TSPAN16: variants seen among roughly 807,000 people sequenced by gnomAD.
TSPAN16 encodes tetraspanin 16.
In TSPAN16, 23 loss-of-function variants were observed where a neutral mutation model predicts 25.2. The ratio of observed to expected loss-of-function variants is 0.91; its 90% CI spans 0.66 to 1.29. The LOEUF is 1.29. Ranked by LOEUF, TSPAN16 falls within the 50% of genes most tolerant of loss-of-function variation. The pLI is 0.00. For synonymous variants in TSPAN16, 123 were observed against 124.4 expected (o/e 0.99, Z 0.08); for missense variants, 272 against 299.9 (o/e 0.91, Z 0.69).
chr19:11,302,642 C>CATATATATATACACATACATATATATAT lies in TSPAN16; in HGVS notation c.450+1344_450+1371dup, dbSNP rs1568288199. 4.6e-5 allele frequency among the ~76,000 whole-genome samples: 6 copies of CATATATATATACACATACATATATATAT among 130,548 alleles called. No individual in the cohort carries two copies. In the East Asian group the frequency reaches 1.3e-3, roughly 28 times the overall value. 85.6% of individuals were successfully genotyped at this position (130,548 alleles called of 152,430 possible). On this transcript the variant is annotated intron_variant, in intron 4 of 6. Transcript: ENST00000590327. ...ATATAAATATATATATACACACATA[C>CATATATATATACACATACATATATATAT]ATATATATATACACATACATATATA...
At chr19:11,311,538 C>T (rs975258158) in intron 5 of TSPAN16, among the ~76,000 whole-genome samples, 4 of 152,096 alleles carry the variant, frequency 2.6e-5, no homozygotes, top group African/African-American at 7.2e-5. Context: ...TCAAGCAATC[C>T]TCCTGCCCCA....
chr19:11,315,936 G>C lies in TSPAN16; in HGVS notation c.*98G>C. On this transcript the variant is annotated 3_prime_UTR_variant, in exon 7 of 7. Transcript: ENST00000590327. ...CTGTGGCACTCACTGCTTCTGGAGG[G>C]GAGACTGTTAATAAAAGATTTGGGA... 2 of 1,230,186 alleles carry C rather than the reference G, an allele frequency of 1.6e-6. No homozygotes were observed. The highest frequency in any genetic ancestry group is 2.0e-6 in the Non-Finnish European group (2 of 986,890). 76.2% of individuals were successfully genotyped at this position (1,230,186 alleles called of 1,614,324 possible). A position where few individuals can be genotyped will look rare whatever the true frequency, so the allele number is the denominator to read the frequency against.
chr19:11,313,240 G>C (rs1484468947), intron 6 of TSPAN16, among the ~76,000 whole-genome samples: 1 of 152,246 alleles, frequency 6.6e-6, no homozygotes, highest in Admixed American at 6.5e-5. Context: ...AAGGCTGGGT[G>C]TGGTAGCTCA....
chr19:11,315,440 C>T (rs2080738506), intron 6 of TSPAN16, among the ~76,000 whole-genome samples: 1 of 150,722 alleles, frequency 6.6e-6, no homozygotes, highest in African/African-American at 2.4e-5. Context: ...GCCTGTAGTC[C>T]CAGCTACTCG....
At chr19:11,321,588 G>A (rs1445892271) in intron 6 of TSPAN16, among the ~76,000 whole-genome samples, 3 of 152,204 alleles carry the variant, frequency 2.0e-5, no homozygotes, top group Admixed American at 6.5e-5. Flanking sequence ...AAGGCCTTGG[G>A]GCAGGGGCCT....
At position 11,298,441 on chromosome 19, in the gene TSPAN16, T is replaced by TG. The variant is rs1343571094; in HGVS notation, c.267+102_267+103insG. ...ACTTTGCTTGGTGTCACCTATTTTT[T>TG]TTTTTTTTGCGGGGACAGGGTTTCA... On this transcript the variant is annotated intron_variant, in intron 2 of 6. Coordinates refer to ENST00000590327, the MANE Select transcript of TSPAN16 (RefSeq NM_001282509.2). The TG allele has an allele frequency of 3.3e-6, 4 of 1,199,228 alleles. No homozygotes were observed. The East Asian group carries it at 7.7e-5, about 23-fold the overall frequency. 74.3% of individuals were successfully genotyped at this position (1,199,228 alleles called of 1,614,324 possible).
intron 6 of TSPAN16, chr19:11,325,176 T>G (rs2080804339): frequency 2.0e-6 from 1 of 506,104 alleles, no homozygotes; most frequent in East Asian, 3.3e-5. Flanking sequence ...CTGCCTGCCA[T>G]GCAGAGCTGA....
At position 11,296,223 on chromosome 19, in the gene TSPAN16, C is replaced by A; in HGVS notation, c.-75C>A. ...TGGCGCCCCTTCCTCAGATCCCTAT[C>A]ATCTTGGGAAACAGTAGCCCAGAGG... On this transcript the variant is annotated 5_prime_UTR_variant, in exon 1 of 7. Coordinates refer to ENST00000590327, the MANE Select transcript of TSPAN16 (RefSeq NM_001282509.2). 4 of 1,484,672 alleles carry A rather than the reference C, an allele frequency of 2.7e-6. No individual in the cohort carries two copies. The highest frequency in any genetic ancestry group is 1.2e-5 in the South Asian group (1 of 85,702). The allele number at this position is 1,484,672 out of a possible 1,614,324, so 92.0% of individuals were successfully genotyped here.
At chr19:11,321,684 G>A (rs1345581916) in intron 6 of TSPAN16, among the ~76,000 whole-genome samples, 1 of 152,154 alleles carries the variant, frequency 6.6e-6, no homozygotes, top group African/African-American at 2.4e-5. Flanking sequence ...GGGTAGGGAA[G>A]GGATGGATCA....
downstream of TSPAN16, among the ~76,000 whole-genome samples, chr19:11,316,808 C>T (rs940463103): frequency 9.6e-5 from 13 of 135,848 alleles, no homozygotes; most frequent in Middle Eastern, 3.4e-3. Context: ...AGACCCCCCC[C>T]GCCTTTTTTT....
At chr19:11,299,692 G>C (rs1288937974) in intron 3 of TSPAN16, among the ~76,000 whole-genome samples, 1 of 152,078 alleles carries the variant, frequency 6.6e-6, no homozygotes, top group African/African-American at 2.4e-5. Context: ...ATTGCAAAGA[G>C]GGCCAGGTGC....
intron 4 of TSPAN16, among the ~76,000 whole-genome samples, chr19:11,303,958 C>G (rs530788179): frequency 6.6e-6 from 1 of 151,524 alleles, no homozygotes; most frequent in East Asian, 1.9e-4. Context: ...TAATTTTTGT[C>G]TCTAGTAGAG....
At chr19:11,313,206 A>G (rs561547707) in intron 6 of TSPAN16, among the ~76,000 whole-genome samples, 1 of 152,158 alleles carries the variant, frequency 6.6e-6, no homozygotes, top group Admixed American at 6.6e-5. Context: ...AAGATATTGC[A>G]ATGACATAAG....
At chr19:11,315,694 TG>T (rs2080742337) in intron 6 of TSPAN16, 96 bp from the exon 7 acceptor site, 1 of 1,030,556 alleles carries the variant, frequency 9.7e-7, no homozygotes, top group African/African-American at 1.7e-5. Flanking sequence ...CTCGCCTTTC[TG>T]GAACAGGATG....
chr19:11,299,224 G>A (rs940861952), intron 3 of TSPAN16, among the ~76,000 whole-genome samples: 2 of 151,834 alleles, frequency 1.3e-5, no homozygotes, highest in Non-Finnish European at 2.9e-5. Flanking sequence ...AGGTTGCAGT[G>A]AGCCAAGATT....
chr19:11,316,927 C>T (rs182418397), downstream of TSPAN16, among the ~76,000 whole-genome samples: 707 of 151,602 alleles, frequency 4.7e-3, 9 homozygotes, highest in Admixed American at 0.026. Flanking sequence ...TTCTCCTGCT[C>T]AGGCTCCCAT....
intron 6 of TSPAN16, 111 bp from the exon 7 acceptor site, chr19:11,315,680 G>A (rs960538304): frequency 3.5e-6 from 3 of 854,088 alleles, no homozygotes; most frequent in African/African-American, 1.8e-5. Context: ...GTAAAACCCT[G>A]CCCCTCGCCT....
At position 11,325,656 on chromosome 19, in the gene TSPAN16, A is replaced by C. The variant is rs942257749; in HGVS notation, c.688-1138A>C. The C allele has an allele frequency of 8.3e-6, 12 of 1,446,926 alleles. No homozygotes were observed. The Middle Eastern group carries it at 7.4e-4, about 89-fold the overall frequency. The allele number at this position is 1,446,926 out of a possible 1,614,324, so 89.6% of individuals were successfully genotyped here. ...AGAGTCTCAGCTGTGGCATCACAGAAACCTGGCTTCTAAGCCTAGTTCTGC... is the reference window on the plus strand; with the variant it reads ...AGAGTCTCAGCTGTGGCATCACAGACACCTGGCTTCTAAGCCTAGTTCTGC... On this transcript the variant is annotated intron_variant, in intron 6 of 6. Coordinates refer to the TSPAN16 transcript ENST00000316737.
intron 3 of TSPAN16, 64 bp from the exon 4 acceptor site, chr19:11,301,137 T>G: frequency 7.2e-7 from 1 of 1,390,154 alleles, no homozygotes; most frequent in South Asian, 1.2e-5. Flanking sequence ...CTCAAGAACC[T>G]CGGCCAATGA....
Sources: allele counts gnomAD v4.1 joint callset (sites outside exome capture counted in the v4.1 genomes callset), GRCh38; gene constraint gnomAD v4.1.1; transcripts MANE v1.5; gene names NCBI Gene and HGNC (gene_info 2026-07-23, HGNC 2026-07-21).